Variants in NPIPB8 observed in about 807,000 individuals in gnomAD.
NPIPB8 encodes nuclear pore complex interacting protein family member B8, also known as nuclear pore complex-interacting protein family member B8.
A neutral mutation model predicts 5.3 loss-of-function variants in NPIPB8; 3 were observed. The ratio of observed to expected loss-of-function variants is 0.57; its 90% CI spans 0.26 to 1.47. The LOEUF is 1.47. Among genes scored for constraint, NPIPB8 ranks in the 40% most tolerant of loss-of-function variants. NPIPB8 has a pLI of 0.13. For missense variants in NPIPB8, 50 were observed against 50.2 expected (o/e 1.00, Z 0.01); for synonymous variants, 18 against 23.0 (o/e 0.78, Z 0.62).
intron 2 of NPIPB8, among the ~76,000 whole-genome samples, chr16:28,640,358 C>T (rs2047873816): frequency 6.6e-6 from 1 of 152,144 alleles, no homozygotes; most frequent in Non-Finnish European, 1.5e-5. Flanking sequence ...CCCACATGCC[C>T]TCATCCTGCC....
chr16:28,652,606 C>T (rs1229851261), intron 5 of NPIPB8, among the ~76,000 whole-genome samples: 1 of 108,898 alleles, frequency 9.2e-6, no homozygotes, highest in African/African-American at 4.3e-5. Flanking sequence ...TTTCCTTTCT[C>T]TCTTTTTTTT....
chr16:28,641,504 G>C (rs141160925), intron 2 of NPIPB8, among the ~76,000 whole-genome samples: 1 of 141,534 alleles, frequency 7.1e-6, no homozygotes, highest in African/African-American at 2.5e-5. Flanking sequence ...ATCCCCAGGA[G>C]TGCCCAGACC....
intron 1 of NPIPB8, 70 bp downstream of exon 1, chr16:28,638,220 T>C: frequency 6.9e-7 from 1 of 1,459,408 alleles, no homozygotes; most frequent in Non-Finnish European, 9.1e-7. Context: ...TGAACTTGGT[T>C]CTGTCCTTTT....
Position 28,638,122 on chromosome 16 carries a change from G to C in NPIPB8, c.-67G>C. On this transcript the variant is annotated 5_prime_UTR_variant, in exon 1 of 8. Transcript: ENST00000683297. ...AAACTGAATGACGAATGAAACTATT[G>C]TTCCTGTTTCACACAGAAGAAAACT... The C allele has an allele frequency of 6.2e-6, 4 of 649,744 alleles. No individual in the cohort carries two copies. In the South Asian group the frequency reaches 7.9e-5, roughly 13 times the overall value. The allele number at this position is 649,744 out of a possible 1,614,324, so 40.2% of individuals were successfully genotyped here.
At chr16:28,639,277 C>T (rs369270049) in intron 2 of NPIPB8, among the ~76,000 whole-genome samples, 34 of 148,822 alleles carry the variant, frequency 2.3e-4, no homozygotes, top group East Asian at 1.6e-3. Context: ...GTTTTGAATG[C>T]TCTGTGCAGT....
At chr16:28,652,758 T>G (rs374467654) in intron 5 of NPIPB8, among the ~76,000 whole-genome samples, 3 of 136,006 alleles carry the variant, frequency 2.2e-5, no homozygotes, top group African/African-American at 2.9e-5. Context: ...CCCACCACCA[T>G]GCCCAGCTAA....
chr16:28,639,930 C>T (rs62035134), intron 2 of NPIPB8, among the ~76,000 whole-genome samples: 97,800 of 146,224 alleles, frequency 0.67, 33,264 homozygotes, highest in East Asian at 0.88. Context: ...CAGTATGCAT[C>T]ATGAAGCTAC....
At chr16:28,653,272 T>C (rs1169249851) in intron 5 of NPIPB8, among the ~76,000 whole-genome samples, 1 of 69,852 alleles carries the variant, frequency 1.4e-5, no homozygotes, top group East Asian at 2.8e-4. Context: ...ATAGACTTAG[T>C]AGAGTAGTTC....
At chr16:28,642,190 C>G (rs1171484777) in intron 2 of NPIPB8, among the ~76,000 whole-genome samples, 1 of 151,618 alleles carries the variant, frequency 6.6e-6, no homozygotes, top group Admixed American at 6.6e-5. Flanking sequence ...ACTGCAACCT[C>G]CGCCTCCCGG....
intron 2 of NPIPB8, chr16:28,644,665 C>T (rs938387852): frequency 1.8e-5 from 26 of 1,407,790 alleles, no homozygotes; most frequent in Non-Finnish European, 2.4e-5. Context: ...TGTGAGTAGA[C>T]GCTGGACCCG....
chr16:28,652,860 C>T (rs2048066105), intron 5 of NPIPB8, among the ~76,000 whole-genome samples: 1 of 137,294 alleles, frequency 7.3e-6, no homozygotes, highest in Non-Finnish European at 1.6e-5. Context: ...CCTCAGCCTC[C>T]CAAAGTGCTG....
intron 2 of NPIPB8, among the ~76,000 whole-genome samples, chr16:28,642,935 C>T (rs1437430933): frequency 6.6e-6 from 1 of 152,164 alleles, no homozygotes; most frequent in Non-Finnish European, 1.5e-5. Flanking sequence ...CAGTGGTTTT[C>T]AGCTGCCAGA....
At chr16:28,642,507 C>A (rs1292945720) in intron 2 of NPIPB8, among the ~76,000 whole-genome samples, 3 of 150,286 alleles carry the variant, frequency 2.0e-5, no homozygotes, top group African/African-American at 7.4e-5. Flanking sequence ...GTTTTTGAGA[C>A]AGAGTCTCGC....
rs1037251230 is a variant in NPIPB8 at position 28,641,561 on chromosome 16, C to T, written c.120+3081C>T. Among the ~76,000 whole-genome samples the T allele has an allele frequency of 1.4e-5, 2 of 141,220 alleles. 1 individual carries two copies. Among genetic ancestry groups the T allele is most frequent in the Admixed American group, 1.4e-4 (2 of 14,138 alleles). The allele number at this position is 141,220 out of a possible 152,430, so 92.6% of individuals were successfully genotyped here. ...GGAGCCCTACCTTCTGGCCTTCCCT[C>T]ATCAGCCGTAAATGATGATTTACTG... On this transcript the variant is annotated intron_variant, in intron 2 of 7. Coordinates refer to ENST00000683297, the MANE Select transcript of NPIPB8 (RefSeq NM_001310136.2).
intron 2 of NPIPB8, 38 bp downstream of exon 2, chr16:28,638,518 G>C: frequency 6.6e-7 from 1 of 1,522,494 alleles, no homozygotes; most frequent in Non-Finnish European, 8.8e-7. Context: ...TGGTGCCCTT[G>C]AGCAGTTCCC....
chr16:28,638,164 A>G lies in NPIPB8; in HGVS notation c.-39+14A>G. 1.5e-6 allele frequency: 1 copy of G among 655,054 alleles called. No individual in the cohort carries two copies. The allele number at this position is 655,054 out of a possible 1,614,324, so 40.6% of individuals were successfully genotyped here. ...AAGAAAACTGAGGTTAAAAGGGGTA[A>G]AGTAATTTTGCATGGCATGAAGTAG... On this transcript the variant is annotated intron_variant, in intron 1 of 7. Coordinates refer to ENST00000683297, the MANE Select transcript of NPIPB8 (RefSeq NM_001310136.2).
intron 2 of NPIPB8, among the ~76,000 whole-genome samples, chr16:28,640,789 T>A (rs925794725): frequency 1.3e-5 from 2 of 152,152 alleles, no homozygotes; most frequent in African/African-American, 4.8e-5. Context: ...TCGAATGTAA[T>A]CAGCAGTGAA....
Position 28,638,919 on chromosome 16 carries a change from A to T in NPIPB8, c.120+439A>T, listed in dbSNP as rs2047841081. 2.0e-5 allele frequency among the ~76,000 whole-genome samples: 3 copies of T among 149,376 alleles called. No individual in the cohort carries two copies. The South Asian group carries it at 6.3e-4, about 31-fold the overall frequency. On this transcript the variant is annotated intron_variant, in intron 2 of 7. Coordinates refer to ENST00000683297, the MANE Select transcript of NPIPB8 (RefSeq NM_001310136.2). The stretch of plus-strand genomic sequence containing the variant: ...CCTCGTCCCTACTAAAAATACAAAA[A>T]TTAGCCGGGCATGGTGGTGTGAGCC...
At chr16:28,639,204 A>T (rs1026129318) in intron 2 of NPIPB8, among the ~76,000 whole-genome samples, 3 of 146,964 alleles carry the variant, frequency 2.0e-5, no homozygotes, top group Admixed American at 1.4e-4. Flanking sequence ...TTTGAATAAA[A>T]GAATTAACCA....
Sources: allele counts gnomAD v4.1 joint callset (sites outside exome capture counted in the v4.1 genomes callset), GRCh38; gene constraint gnomAD v4.1.1; transcripts MANE v1.5; gene names NCBI Gene and HGNC (gene_info 2026-07-23, HGNC 2026-07-21).